Variants in AUH observed in about 807,000 individuals in gnomAD.
The protein encoded by AUH is methylglutaconyl-CoA hydratase, mitochondrial.
AUH carries 29 observed loss-of-function variants against 42.3 expected under a neutral mutation model. That is an observed-to-expected ratio of 0.69 (90% CI 0.51 to 0.93). The LOEUF is 0.93. Ranked by LOEUF, AUH falls within the 40% of genes least tolerant of loss-of-function variation. AUH has a pLI of 0.00. For synonymous variants in AUH, 174 were observed against 166.4 expected, an observed-to-expected ratio of 1.05 and a Z score of -0.35; for missense variants, 452 against 438.1, an observed-to-expected ratio of 1.03 and a Z score of -0.28.
intron 6 of AUH, among the ~76,000 whole-genome samples, chr9:91,264,107 A>C (rs1312075460): frequency 6.6e-6 from 1 of 152,172 alleles, no homozygotes. Flanking sequence ...AGTATCTGCA[A>C]TATTATATAT....
rs1420001025 is a variant in AUH at position 91,298,002 on chromosome 9, A to C, written c.580T>G (p.Cys194Gly). ...TTCTTACCTGCTACTCGTATATCAC[A>C]GGCTAAAGCCAGTTCAAGACCACCA... ...LGGGLELALA[C>G]DIRVAASSAK... The change falls in exon 5 of 10, where the codon TGT (cysteine) becomes GGT (glycine). Residue 194 changes from cysteine (C) to glycine (G), a missense_variant. Coordinates refer to ENST00000375731, the MANE Select transcript of AUH (RefSeq NM_001698.3). 1.2e-6 allele frequency: 2 copies of C among 1,611,342 alleles called. No homozygotes were observed. Among genetic ancestry groups the C allele is most frequent in the South Asian group, 2.2e-5 (2 of 91,040 alleles).
At position 91,285,242 on chromosome 9, in the gene AUH, T is replaced by A. The variant is rs541290896; in HGVS notation, c.655+10779A>T. ...ACCAAACACCACATGTTCTCACTCA[T>A]AGGTGGGAACTGAACAATGAGAACA... is the stretch of plus-strand genomic sequence containing the variant. On this transcript the variant is annotated intron_variant, in intron 6 of 9. Transcript: ENST00000375731. Among the ~76,000 whole-genome samples, 3 of 149,000 alleles carry A rather than the reference T, an allele frequency of 2.0e-5. No individual in the cohort carries two copies. The East Asian group carries it at 6.0e-4, about 30-fold the overall frequency.
Position 91,220,870 on chromosome 9 carries a change from G to A in AUH, c.778C>T (p.Gln260Ter). The A allele has an allele frequency of 6.2e-7, 1 of 1,614,262 alleles. No individual in the cohort carries two copies. The highest frequency in any genetic ancestry group is 8.5e-7 in the Non-Finnish European group (1 of 1,180,056). The change falls in exon 7 of 10, where the codon CAG becomes TAG. Residue 260 changes from glutamine (Q) to a stop codon, truncating the protein, a stop_gained. Coordinates refer to ENST00000375731, the MANE Select transcript of AUH (RefSeq NM_001698.3). LOFTEE classifies it high-confidence loss of function. ...TAGGCCGCGTCTCCCTCCTGGTTCTGTTCCAGAACGTGGCTGATTAAGCCC... is the reference window on the plus strand; with the variant it reads ...TAGGCCGCGTCTCCCTCCTGGTTCTATTCCAGAACGTGGCTGATTAAGCCC... ...AVGLISHVLE[Q>*]NQEGDAAYRK...
chr9:91,245,664 G>A (rs186029377), intron 6 of AUH, among the ~76,000 whole-genome samples: 20 of 152,240 alleles, frequency 1.3e-4, no homozygotes, highest in Admixed American at 1.0e-3. Flanking sequence ...AAGCAAACGG[G>A]TGCCAAGTGA....
intron 1 of AUH, among the ~76,000 whole-genome samples, chr9:91,357,199 G>C (rs1351380884): frequency 6.6e-6 from 1 of 152,172 alleles, no homozygotes; most frequent in African/African-American, 2.4e-5. Flanking sequence ...ACTGACAACA[G>C]CTACCACCAG....
intron 7 of AUH, among the ~76,000 whole-genome samples, chr9:91,220,386 C>T (rs958033472): frequency 2.0e-5 from 3 of 152,222 alleles, no homozygotes; most frequent in African/African-American, 4.8e-5. Flanking sequence ...CAACAGACTA[C>T]AGTCCCTTAC....
In AUH at chr9:91,253,870, G is replaced by A. The variant is rs142077817; in HGVS notation, c.656-32878C>T. Among the ~76,000 whole-genome samples the A allele has an allele frequency of 1.8e-4, 28 of 152,300 alleles. No individual in the cohort carries two copies. The East Asian group carries it at 4.2e-3, about 23-fold the overall frequency. On this transcript the variant is annotated intron_variant, in intron 6 of 9. Coordinates refer to ENST00000375731, the MANE Select transcript of AUH (RefSeq NM_001698.3). ...AAGTAATTCTTCTGCATACAAAATT[G>A]TATTTTAATGGTATGAAATAAAGCA...
At chr9:91,330,774 C>A (rs373875315) in intron 3 of AUH, among the ~76,000 whole-genome samples, 1 of 152,136 alleles carries the variant, frequency 6.6e-6, no homozygotes, top group Non-Finnish European at 1.5e-5. Flanking sequence ...CAGGCTGAAT[C>A]CTGCAAATAT....
At chr9:91,234,972 C>A (rs1336983294) in intron 6 of AUH, among the ~76,000 whole-genome samples, 1 of 151,390 alleles carries the variant, frequency 6.6e-6, no homozygotes, top group Non-Finnish European at 1.5e-5. Context: ...ATGAGCTCAG[C>A]TGGTACAAAG....
intron 6 of AUH, among the ~76,000 whole-genome samples, chr9:91,271,460 TCAA>T (rs1308911445): frequency 3.3e-5 from 5 of 152,226 alleles, no homozygotes; most frequent in African/African-American, 1.2e-4. Context: ...TGAAATGTAA[TCAA>T]CAAGATATTA....
intron 4 of AUH, among the ~76,000 whole-genome samples, chr9:91,300,100 C>T (rs1827665389): frequency 6.7e-6 from 1 of 149,238 alleles, no homozygotes. Flanking sequence ...CAGAGACATC[C>T]ATCCTGGACA....
intron 3 of AUH, among the ~76,000 whole-genome samples, chr9:91,340,818 A>C (rs1230849864): frequency 2.6e-5 from 4 of 152,230 alleles, no homozygotes; most frequent in African/African-American, 9.6e-5. Context: ...GTGAACCAGA[A>C]GACAGCAAAA....
At chr9:91,244,588 C>A (rs1828695465) in intron 6 of AUH, among the ~76,000 whole-genome samples, 1 of 152,200 alleles carries the variant, frequency 6.6e-6, no homozygotes, top group African/African-American at 2.4e-5. Flanking sequence ...CATCTCCCAA[C>A]TAGCTTCCTA....
chr9:91,226,479 C>T (rs373905120), intron 6 of AUH, among the ~76,000 whole-genome samples: 1 of 152,164 alleles, frequency 6.6e-6, no homozygotes, highest in African/African-American at 2.4e-5. Flanking sequence ...AGGTTGCAAA[C>T]ATTTTCTCCC....
At chr9:91,221,910 T>C (rs1827156611) in intron 6 of AUH, among the ~76,000 whole-genome samples, 2 of 152,208 alleles carry the variant, frequency 1.3e-5, no homozygotes, top group African/African-American at 4.8e-5. Context: ...AACACAGGTC[T>C]AGCCTCAATG....
At chr9:91,303,473 G>A (rs1381244458) in intron 4 of AUH, among the ~76,000 whole-genome samples, 1 of 152,058 alleles carries the variant, frequency 6.6e-6, no homozygotes, top group Non-Finnish European at 1.5e-5. Flanking sequence ...TGGGACTACT[G>A]GTGCCCGCCA....
At chr9:91,317,270 A>G (rs1194415667) in intron 4 of AUH, among the ~76,000 whole-genome samples, 2 of 152,212 alleles carry the variant, frequency 1.3e-5, no homozygotes, top group Non-Finnish European at 2.9e-5. Context: ...GTCTAGGTGT[A>G]ATTACACTGA....
chr9:91,347,964 A>T (rs977864426), intron 3 of AUH, among the ~76,000 whole-genome samples: 4 of 152,070 alleles, frequency 2.6e-5, no homozygotes, highest in African/African-American at 9.6e-5. Context: ...GTCTTCACAT[A>T]AAAAACTTTT....
chr9:91,261,061 G>A (rs1174650967), intron 6 of AUH, among the ~76,000 whole-genome samples: 1 of 152,030 alleles, frequency 6.6e-6, no homozygotes, highest in Non-Finnish European at 1.5e-5. Flanking sequence ...GAGTATAAAC[G>A]TAGTCGTGGC....
Sources: gnomAD v4.1 joint callset for allele counts (sites outside exome capture counted in the v4.1 genomes callset) on GRCh38, gnomAD v4.1.1 for gene constraint, MANE v1.5 for transcripts, NCBI Gene and HGNC (gene_info 2026-07-23, HGNC 2026-07-21) for gene names.